CCDC171: variants seen among roughly 807,000 people sequenced by gnomAD.
CCDC171 encodes coiled-coil domain-containing protein 171.
In CCDC171, 177 loss-of-function variants were observed where a neutral mutation model predicts 168.2. That is an observed-to-expected ratio of 1.05 (90% CI 0.93 to 1.19). The LOEUF (loss-of-function observed/expected upper bound fraction) is 1.19. Ranked by LOEUF, CCDC171 falls within the 50% of genes most tolerant of loss-of-function variation. CCDC171 has a pLI of 0.00. For synonymous variants in CCDC171, 687 were observed against 540.8 expected (o/e 1.27, Z -3.75); for missense variants, 1,991 against 1,539.0 (o/e 1.29, Z -4.91).
chr9:15,631,563 G>A (rs1166764716), intron 7 of CCDC171, among the ~76,000 whole-genome samples: 1 of 152,098 alleles, frequency 6.6e-6, no homozygotes, highest in African/African-American at 2.4e-5. Context: ...AGGATCAGTT[G>A]GATTCACAGC....
intron 3 of CCDC171, among the ~76,000 whole-genome samples, chr9:16,001,155 A>C (rs1006895060): frequency 6.6e-6 from 1 of 152,212 alleles, no homozygotes; most frequent in Admixed American, 6.5e-5. Flanking sequence ...AGTTGCCTAG[A>C]AAATCAAGAT....
intron 6 of CCDC171, among the ~76,000 whole-genome samples, chr9:15,597,877 G>A (rs892408867): frequency 6.6e-6 from 1 of 151,990 alleles, no homozygotes; most frequent in African/African-American, 2.4e-5. Flanking sequence ...GTCTTGGGAG[G>A]GTGTATGTGT....
At chr9:15,555,453 T>G (rs1165361200) in intron 1 of CCDC171, among the ~76,000 whole-genome samples, 1 of 152,088 alleles carries the variant, frequency 6.6e-6, no homozygotes, top group Non-Finnish European at 1.5e-5. Flanking sequence ...GCTTGTCAGT[T>G]TCGATACGGG....
chr9:16,096,576 T>C, the CCDC171 span, among the ~76,000 whole-genome samples: 4 of 152,210 alleles, frequency 2.6e-5, no homozygotes, highest in Admixed American at 6.5e-5. Context: ...TCACTTGTTC[T>C]TTGTCCAGCG....
intron 21 of CCDC171, among the ~76,000 whole-genome samples, chr9:15,794,200 C>T (rs1276901572): frequency 6.6e-6 from 1 of 152,164 alleles, no homozygotes; most frequent in Non-Finnish European, 1.5e-5. Flanking sequence ...CATAGTGGCT[C>T]ACGTCTGTAA....
chr9:15,581,462 CAT>C (rs983020350), intron 4 of CCDC171, among the ~76,000 whole-genome samples: 1 of 152,138 alleles, frequency 6.6e-6, no homozygotes, highest in Non-Finnish European at 1.5e-5. Flanking sequence ...AAAAAGAGCC[CAT>C]ATTGCCAAGA....
chr9:15,749,527 C>T (rs1195526257), intron 18 of CCDC171, among the ~76,000 whole-genome samples: 4 of 152,202 alleles, frequency 2.6e-5, no homozygotes, highest in South Asian at 2.1e-4. Context: ...ACATTCTTCT[C>T]AGCACCACAT....
In CCDC171 at chr9:15,570,016, G is replaced by C. The variant is rs2040093011; in HGVS notation, c.42-1608G>C. On this transcript the variant is annotated intron_variant, in intron 2 of 25. Transcript: ENST00000380701. ...ATGGAGTTTTGCTCTTGTTGCCCAG[G>C]GTGGAGTTCAAAGGTGTGATCTCTG... 2.6e-5 allele frequency among the ~76,000 whole-genome samples: 4 copies of C among 151,502 alleles called. No homozygotes were observed. In the South Asian group the frequency reaches 6.2e-4, roughly 24 times the overall value.
At chr9:15,785,897 T>G (rs1433937264) in intron 21 of CCDC171, among the ~76,000 whole-genome samples, 11 of 152,098 alleles carry the variant, frequency 7.2e-5, no homozygotes, top group African/African-American at 2.2e-4. Context: ...TGATTTTTTT[T>G]TTTGTTTAAA....
intron 7 of CCDC171, among the ~76,000 whole-genome samples, chr9:15,626,290 T>C (rs185395533): frequency 3.9e-5 from 6 of 152,318 alleles, no homozygotes; most frequent in Admixed American, 6.5e-5. Context: ...CTTTTCCTCA[T>C]TGAATACCCT....
intron 24 of CCDC171, among the ~76,000 whole-genome samples, chr9:15,915,788 C>T (rs1014282264): frequency 6.6e-6 from 1 of 152,150 alleles, no homozygotes; most frequent in African/African-American, 2.4e-5. Flanking sequence ...CCTCTCCCTT[C>T]TCTGCCTAGT....
chr9:15,942,161 C>G (rs1232842647), intron 25 of CCDC171, among the ~76,000 whole-genome samples: 1 of 151,882 alleles, frequency 6.6e-6, no homozygotes, highest in Non-Finnish European at 1.5e-5. Flanking sequence ...TAATCCTATT[C>G]TAGAAGTGCT....
chr9:15,922,222 C>A, intron 25 of CCDC171: 1 of 348,532 alleles, frequency 2.9e-6, no homozygotes, highest in Admixed American at 2.5e-5. Flanking sequence ...TAGGAGAATG[C>A]TGCCCAATTC....
chr9:15,766,344 A>G (rs1032763015), intron 18 of CCDC171, among the ~76,000 whole-genome samples: 3 of 152,112 alleles, frequency 2.0e-5, no homozygotes, highest in Non-Finnish European at 4.4e-5. Context: ...CCTGGGCTCA[A>G]GGGATCCTCC....
the CCDC171 span, among the ~76,000 whole-genome samples, chr9:16,098,112 A>C: frequency 6.6e-6 from 1 of 152,206 alleles, no homozygotes; most frequent in African/African-American, 2.4e-5. Flanking sequence ...AGTTATTGAG[A>C]ACATACACAT....
chr9:15,583,608 T>C (rs541912419), intron 4 of CCDC171, among the ~76,000 whole-genome samples: 4 of 152,092 alleles, frequency 2.6e-5, no homozygotes, highest in African/African-American at 9.6e-5. Flanking sequence ...AATGATATAA[T>C]GGACTTTGGG....
At chr9:16,081,630 C>G in the CCDC171 span, among the ~76,000 whole-genome samples, 1 of 152,188 alleles carries the variant, frequency 6.6e-6, no homozygotes, top group Admixed American at 6.5e-5. Context: ...TATGATGTGC[C>G]TAGACTTTCT....
intron 14 of CCDC171, among the ~76,000 whole-genome samples, chr9:15,725,658 C>T (rs1377135275): frequency 6.6e-6 from 1 of 152,118 alleles, no homozygotes; most frequent in Non-Finnish European, 1.5e-5. Context: ...CCATGTTAGC[C>T]AGGCTGGTCT....
chr9:15,874,444 T>G, intron 23 of CCDC171, 88 bp from the exon 24 acceptor site: 3 of 1,122,860 alleles, frequency 2.7e-6, no homozygotes, highest in Non-Finnish European at 3.7e-6. Flanking sequence ...TCAATGCAAG[T>G]CCACTCAGTG....
Sources: allele counts gnomAD v4.1 joint callset (sites outside exome capture counted in the v4.1 genomes callset), GRCh38; gene constraint gnomAD v4.1.1; transcripts MANE v1.5; gene names NCBI Gene and HGNC (gene_info 2026-07-23, HGNC 2026-07-21).